WFDC10B: variants seen among roughly 807,000 people sequenced by gnomAD.
WFDC10B encodes WAP four-disulfide core domain 10B.
WFDC10B carries 1 observed loss-of-function variant against 2.7 expected under a neutral mutation model. The observed-to-expected ratio is 0.38, with a 90% CI of 0.13 to 1.79. WFDC10B has a LOEUF of 1.79. WFDC10B is among the 40% of genes most tolerant of loss of function. The probability of loss-of-function intolerance (pLI) is 0.33; values close to 1 mark genes in which losing one functional copy is unlikely to be tolerated. For synonymous variants in WFDC10B, 26 were observed against 32.2 expected (o/e 0.81, Z 0.65); for missense variants, 71 against 87.8 (o/e 0.81, Z 0.76).
Position 45,693,909 on chromosome 20 carries a change from C to T in WFDC10B, c.-64-7853G>A, listed in dbSNP as rs570400638. Among the ~76,000 whole-genome samples, 187 of 152,312 alleles carry T rather than the reference C, an allele frequency of 1.2e-3. 6 individuals carry two copies. Among genetic ancestry groups the T allele is most frequent in the Admixed American group, 0.012 (184 of 15,300 alleles). ...CTCAGATGGAAATGCAGAAATCACC[C>T]GTCCTCTTCATCGCTCACGCTAGGA... is the stretch of plus-strand genomic sequence containing the variant. On this transcript the variant is annotated intron_variant, in intron 2 of 3. Transcript: ENST00000330523.
intron 2 of WFDC10B, among the ~76,000 whole-genome samples, chr20:45,687,860 T>TTTATTA (rs149834246): frequency 0.033 from 4,804 of 145,286 alleles, 59 homozygotes; most frequent in African/African-American, 0.036. Context: ...TGTCTTTTCT[T>TTTATTA]TTATTATTAT....
At chr20:45,696,852 C>T (rs1164276580) in intron 2 of WFDC10B, among the ~76,000 whole-genome samples, 1 of 152,060 alleles carries the variant, frequency 6.6e-6, no homozygotes, top group Non-Finnish European at 1.5e-5. Flanking sequence ...TTTTTATTAA[C>T]ACCAATCCTT....
chr20:45,685,995 C>A lies in WFDC10B; in HGVS notation c.-3G>T, dbSNP rs375705986. On this transcript the variant is annotated 5_prime_UTR_variant, in exon 3 of 4. Transcript: ENST00000330523. Reference sequence around the variant, plus strand: ...AGCAGCAGAGTCTGGGGTGCCATAACTCTGACCAGAGCGTGAGCCCTAAGT... The same window carrying A: ...AGCAGCAGAGTCTGGGGTGCCATAAATCTGACCAGAGCGTGAGCCCTAAGT... 8.1e-5 allele frequency: 130 copies of A among 1,613,764 alleles called. No homozygotes were observed. Among genetic ancestry groups the A allele is most frequent in the Non-Finnish European group, 1.1e-4 (127 of 1,179,932 alleles).
chr20:45,687,653 C>G (rs556003727), intron 2 of WFDC10B, among the ~76,000 whole-genome samples: 29 of 152,242 alleles, frequency 1.9e-4, no homozygotes, highest in Admixed American at 7.2e-4. Context: ...TCCTATTTCT[C>G]CACAACCTCA....
At chr20:45,685,011 C>A (rs1489343381) in intron 3 of WFDC10B, 51 bp from the exon 4 acceptor site, 1 of 1,607,194 alleles carries the variant, frequency 6.2e-7, no homozygotes, top group Non-Finnish European at 8.5e-7. Context: ...TATAGAGCAG[C>A]CTTCTCAAGC....
At chr20:45,688,130 T>A (rs1156888629) in intron 2 of WFDC10B, among the ~76,000 whole-genome samples, 1 of 149,944 alleles carries the variant, frequency 6.7e-6, no homozygotes, top group Admixed American at 6.7e-5. Context: ...CGGTGTTTGG[T>A]TTTTTGTTCT....
intron 2 of WFDC10B, among the ~76,000 whole-genome samples, chr20:45,690,195 T>G (rs1351492257): frequency 6.7e-6 from 1 of 150,348 alleles, no homozygotes; most frequent in Non-Finnish European, 1.5e-5. Context: ...GAAGCCCACT[T>G]GATCATGGTG....
At chr20:45,689,502 C>A (rs1199154203) in intron 2 of WFDC10B, among the ~76,000 whole-genome samples, 1 of 152,024 alleles carries the variant, frequency 6.6e-6, no homozygotes, top group East Asian at 1.9e-4. Flanking sequence ...TTGTTTGTAT[C>A]CTCTTTTATT....
intron 2 of WFDC10B, among the ~76,000 whole-genome samples, chr20:45,703,104 G>C (rs1448918895): frequency 6.6e-6 from 1 of 152,204 alleles, no homozygotes; most frequent in Non-Finnish European, 1.5e-5. Flanking sequence ...CTTTCTAAAA[G>C]ACTGGTAAAT....
chr20:45,693,074 G>T (rs1415283612), intron 2 of WFDC10B, among the ~76,000 whole-genome samples: 1 of 152,192 alleles, frequency 6.6e-6, no homozygotes, highest in African/African-American at 2.4e-5. Context: ...AGGTCTGTTG[G>T]AGTTTGCTAG....
At chr20:45,702,689 CT>C (rs1984215198) in intron 2 of WFDC10B, among the ~76,000 whole-genome samples, 1 of 152,148 alleles carries the variant, frequency 6.6e-6, no homozygotes, top group Non-Finnish European at 1.5e-5. Context: ...GAAGTCTTGC[CT>C]TTTATTCCAC....
chr20:45,704,599 G>A (rs1359883532), intron 1 of WFDC10B, 38 bp from the exon 2 acceptor site: 1 of 1,613,612 alleles, frequency 6.2e-7, no homozygotes, highest in Non-Finnish European at 8.5e-7. Flanking sequence ...CAACAGGTAA[G>A]AGATATCTCA....
intron 2 of WFDC10B, among the ~76,000 whole-genome samples, chr20:45,691,660 C>A (rs1234635968): frequency 6.6e-6 from 1 of 151,766 alleles, no homozygotes; most frequent in Non-Finnish European, 1.5e-5. Context: ...GGATTGCAAC[C>A]CCTGCCTTTT....
At chr20:45,701,160 G>T (rs760404227) in intron 2 of WFDC10B, among the ~76,000 whole-genome samples, 25 of 152,156 alleles carry the variant, frequency 1.6e-4, no homozygotes, top group Non-Finnish European at 3.5e-4. Context: ...TATCTGCCTA[G>T]GTTCAAGCTT....
At chr20:45,687,889 T>TATA (rs1491500473) in intron 2 of WFDC10B, among the ~76,000 whole-genome samples, 1 of 147,312 alleles carries the variant, frequency 6.8e-6, no homozygotes, top group Non-Finnish European at 1.5e-5. Flanking sequence ...TTATTATTAT[T>TATA]ATACTTTAAG....
At chr20:45,702,313 A>G in intron 2 of WFDC10B, 1 of 1,201,974 alleles carries the variant, frequency 8.3e-7, no homozygotes, top group Admixed American at 2.1e-5. Flanking sequence ...ATACCGTGTC[A>G]TGTTCAAGGG....
chr20:45,690,288 G>A (rs1265989397), intron 2 of WFDC10B, among the ~76,000 whole-genome samples: 2 of 151,298 alleles, frequency 1.3e-5, no homozygotes, highest in African/African-American at 4.9e-5. Context: ...CAAGGATATT[G>A]GTCTAAAATT....
chr20:45,694,078 G>A (rs2145638473), intron 2 of WFDC10B, among the ~76,000 whole-genome samples: 1 of 152,292 alleles, frequency 6.6e-6, no homozygotes, highest in African/African-American at 2.4e-5. Context: ...CCATTTTGTA[G>A]GTTGTCTGTT....
At chr20:45,700,649 T>G (rs1176076912) in intron 2 of WFDC10B, among the ~76,000 whole-genome samples, 1 of 152,172 alleles carries the variant, frequency 6.6e-6, no homozygotes, top group Admixed American at 6.6e-5. Flanking sequence ...ATTTAAAATT[T>G]CTTGTTAGGA....
Sources: gnomAD v4.1 joint callset for allele counts (sites outside exome capture counted in the v4.1 genomes callset) on GRCh38, gnomAD v4.1.1 for gene constraint, MANE v1.5 for transcripts, NCBI Gene and HGNC (gene_info 2026-07-23, HGNC 2026-07-21) for gene names.